Variants in TPTE observed in about 807,000 individuals in gnomAD.
TPTE encodes the protein putative tyrosine-protein phosphatase TPTE.
Under a neutral mutation model 84.1 loss-of-function variants are expected in TPTE, and 59 were observed. That is an observed-to-expected ratio of 0.70 (90% CI 0.57 to 0.87). The LOEUF is 0.87. TPTE is among the 40% of genes least tolerant of loss of function. The pLI is 0.00. For synonymous variants in TPTE, 130 were observed against 223.5 expected, an observed-to-expected ratio of 0.58 and a Z score of 3.73; for missense variants, 382 against 659.6, an observed-to-expected ratio of 0.58 and a Z score of 4.61.
chr21:10,578,084 G>A (rs1005277355), intron 15 of TPTE, among the ~76,000 whole-genome samples: 395 of 151,762 alleles, frequency 2.6e-3, no homozygotes, highest in Non-Finnish European at 4.6e-3. Context: ...ATAATGAATA[G>A]TCTGCTAGAA....
At position 10,590,498 on chromosome 21, in the gene TPTE, C is replaced by T. The variant is rs777490013; in HGVS notation, c.1064C>T (p.Ala355Val). ...ACTATGGTTTGTGCCTTCCTTATTGCCTCTGAAATATGTTCAACTGCAAAG... is the reference window on the plus strand; with the variant it reads ...ACTATGGTTTGTGCCTTCCTTATTGTCTCTGAAATATGTTCAACTGCAAAG... ...TGTMVCAFLI[A>V]SEICSTAKES... The change falls in exon 18 of 24, where the codon GCC becomes GTC. Residue 355 changes from alanine to valine, a missense_variant. Ala to Val is a moderately conservative substitution (Grantham distance 64, BLOSUM62 0). Coordinates refer to ENST00000618007, the MANE Select transcript of TPTE (RefSeq NM_199261.4). The T allele has an allele frequency of 3.7e-6, 6 of 1,614,020 alleles. No individual in the cohort carries two copies. The Admixed American group carries it at 1.0e-4, about 27-fold the overall frequency.
At chr21:10,525,902 A>G (rs866865829) in intron 2 of TPTE, among the ~76,000 whole-genome samples, 675 of 152,070 alleles carry the variant, frequency 4.4e-3, no homozygotes, top group African/African-American at 0.016. Context: ...GAACTTGCTT[A>G]GCAATCCTGG....
At chr21:10,528,113 A>G (rs1233416536) in intron 3 of TPTE, among the ~76,000 whole-genome samples, 1 of 152,306 alleles carries the variant, frequency 6.6e-6, no homozygotes, top group African/African-American at 2.4e-5. Flanking sequence ...AGAAAAATCA[A>G]GTACCAGGTG....
chr21:10,564,603 C>A (rs1293429342), intron 10 of TPTE, among the ~76,000 whole-genome samples: 126 of 152,374 alleles, frequency 8.3e-4, no homozygotes, highest in Admixed American at 1.9e-3. Context: ...AAATCCTCAA[C>A]AAGATACTAG....
intron 21 of TPTE, among the ~76,000 whole-genome samples, chr21:10,598,719 A>G (rs113394353): frequency 1.0e-3 from 155 of 151,854 alleles, no homozygotes; most frequent in African/African-American, 3.4e-3. Flanking sequence ...TTTTGCTTCA[A>G]TGAAGAAATG....
intron 3 of TPTE, among the ~76,000 whole-genome samples, chr21:10,538,016 T>TGAGTAAAAATAAAAACTAA (rs1201428915): frequency 6.6e-6 from 1 of 152,310 alleles, no homozygotes; most frequent in African/African-American, 2.4e-5. Context: ...TTGATACTCT[T>TGAGTAAAAATAAAAACTAA]GAGTAAAAAT....
intron 1 of TPTE, among the ~76,000 whole-genome samples, chr21:10,522,128 C>G (rs1485673157): frequency 6.6e-6 from 1 of 152,322 alleles, no homozygotes; most frequent in South Asian, 2.1e-4. Flanking sequence ...CCGAGGCGCC[C>G]GGCTCTCGTT....
chr21:10,559,446 A>G (rs192359468), intron 8 of TPTE, 48 bp from the exon 9 acceptor site: 4 of 1,610,310 alleles, frequency 2.5e-6, no homozygotes, highest in East Asian at 2.2e-5. Context: ...AATTTACAAT[A>G]TATGTTAGAA....
At chr21:10,566,858 T>TC (rs1323140912) in intron 10 of TPTE, among the ~76,000 whole-genome samples, 1 of 152,224 alleles carries the variant, frequency 6.6e-6, no homozygotes, top group Non-Finnish European at 1.5e-5. Flanking sequence ...GCACCTGTAA[T>TC]CCCAGCTACT....
intron 7 of TPTE, among the ~76,000 whole-genome samples, chr21:10,548,607 G>T (rs556942301): frequency 2.0e-5 from 3 of 152,310 alleles, no homozygotes; most frequent in Non-Finnish European, 4.4e-5. Context: ...ATCCAGGACA[G>T]CTGAGAAGTC....
intron 2 of TPTE, among the ~76,000 whole-genome samples, chr21:10,525,144 CAATT>C (rs1201157137): frequency 8.5e-5 from 13 of 152,304 alleles, no homozygotes; most frequent in Non-Finnish European, 1.6e-4. Context: ...GGTCCCATCT[CAATT>C]AACACCTGAA....
At chr21:10,527,310 A>G (rs2074098181) in intron 2 of TPTE, 45 bp from the exon 3 acceptor site, 1 of 152,768 alleles carries the variant, frequency 6.5e-6, no homozygotes. Flanking sequence ...TGCCTTCCAA[A>G]ATATCTGACT....
chr21:10,521,727 G>GT, intron 1 of TPTE, 33 bp downstream of exon 1: 1 of 152,896 alleles, frequency 6.5e-6, no homozygotes, highest in African/African-American at 2.4e-5. Context: ...CCGGGCGGGG[G>GT]TAGGGGTGGG....
intron 19 of TPTE, among the ~76,000 whole-genome samples, chr21:10,592,884 G>A (rs1323759456): frequency 6.6e-6 from 1 of 152,302 alleles, no homozygotes; most frequent in African/African-American, 2.4e-5. Context: ...AAATAAAAGG[G>A]AAAATAAACT....
intron 8 of TPTE, among the ~76,000 whole-genome samples, chr21:10,553,762 A>G (rs1046669614): frequency 3.3e-5 from 5 of 152,310 alleles, no homozygotes; most frequent in African/African-American, 1.2e-4. Context: ...TTGGCATCAT[A>G]TATTCATTCA....
chr21:10,592,984 ACT>A (rs1372207792), intron 19 of TPTE, among the ~76,000 whole-genome samples: 1 of 152,410 alleles, frequency 6.6e-6, no homozygotes, highest in African/African-American at 2.4e-5. Flanking sequence ...ATACACTGTT[ACT>A]CTGTTTTTTC....
At chr21:10,589,570 C>G in intron 17 of TPTE, among the ~76,000 whole-genome samples, 1 of 152,312 alleles carries the variant, frequency 6.6e-6, no homozygotes, top group African/African-American at 2.4e-5. Flanking sequence ...TGGGAAAATG[C>G]CGGCAGCGTT....
intron 10 of TPTE, among the ~76,000 whole-genome samples, chr21:10,565,887 C>G (rs931617773): frequency 1.3e-5 from 2 of 152,310 alleles, no homozygotes; most frequent in African/African-American, 4.8e-5. Flanking sequence ...AATCTAAGAC[C>G]TCAATGAAAC....
intron 7 of TPTE, among the ~76,000 whole-genome samples, chr21:10,552,041 C>G (rs574424063): frequency 1.9e-3 from 297 of 152,308 alleles, no homozygotes; most frequent in African/African-American, 6.7e-3. Context: ...CTCAGCCACT[C>G]TGACCATTGG....
Sources: gnomAD v4.1 joint callset for allele counts (sites outside exome capture counted in the v4.1 genomes callset) on GRCh38, gnomAD v4.1.1 for gene constraint, MANE v1.5 for transcripts, NCBI Gene and HGNC (gene_info 2026-07-23, HGNC 2026-07-21) for gene names.